The following TMEM240 variants were observed in gnomAD, a reference collection of about 807,000 sequenced individuals.
TMEM240 encodes the protein transmembrane protein C1orf70.
In TMEM240, 3 loss-of-function variants were observed where a neutral mutation model predicts 19.5. The observed-to-expected ratio is 0.15, with a 90% CI of 0.07 to 0.40. The LOEUF (loss-of-function observed/expected upper bound fraction) is 0.40. TMEM240 is among the 10% of genes least tolerant of loss of function. The pLI is 1.00. For missense variants in TMEM240, 210 were observed against 253.5 expected (o/e 0.83, Z 1.17); for synonymous variants, 123 against 109.3 (o/e 1.13, Z -0.78).
intron 2 of TMEM240, among the ~76,000 whole-genome samples, chr1:1,538,017 G>C (rs1193812356): frequency 1.3e-5 from 2 of 152,200 alleles, no homozygotes; most frequent in East Asian, 3.9e-4. Context: ...TGTACACACA[G>C]GGAGCCTCTC....
rs1195375910 is a variant in TMEM240 at position 1,535,762 on chromosome 1, T to TC, written c.199dup (p.Asp67GlyfsTer166). 1 of 1,549,778 alleles carries TC rather than the reference T, an allele frequency of 6.5e-7. No homozygotes were observed. The highest frequency in any genetic ancestry group is 1.2e-5 in the South Asian group (1 of 84,012). ...CTCGGAGGCGTCCACCACCGACTGGTCCCCGTCGTACGGGATCACGTAGTG... is the reference window on the plus strand; with the variant it reads ...CTCGGAGGCGTCCACCACCGACTGGTCCCCCGTCGTACGGGATCACGTAGTG... On this transcript the variant is annotated frameshift_variant, in exon 3 of 4. Transcript: ENST00000378733. LOFTEE classifies it high-confidence loss of function. This position sits in a 1 kb window ranked among gnomAD's most constrained non-coding sequence, Gnocchi z 8.2.
intron 2 of TMEM240, among the ~76,000 whole-genome samples, chr1:1,538,462 C>T (rs564942774): frequency 3.3e-5 from 5 of 152,378 alleles, no homozygotes; most frequent in Non-Finnish European, 4.4e-5. Context: ...CGGATGCACA[C>T]GGCCCCAGCC....
Position 1,535,544 on chromosome 1 carries a change from G to T in TMEM240, c.374-37C>A. 6.5e-7 allele frequency: 1 copy of T among 1,540,218 alleles called. No homozygotes were observed. ...CAGGGGCGGTCAGGCGGCTGGGGCC[G>T]GCCAGGGCGGCAGCACTCCCGGGCG... On this transcript the variant is annotated intron_variant, in intron 3 of 3. Transcript: ENST00000378733. The surrounding 1 kb of genome is among the most constrained non-coding windows in gnomAD (Gnocchi z 8.2).
At chr1:1,540,241 G>A (rs761722833) in intron 1 of TMEM240, 49 bp downstream of exon 1, 2 of 1,244,502 alleles carry the variant, frequency 1.6e-6, no homozygotes, top group Non-Finnish European at 2.0e-6. Flanking sequence ...GCCAGGCGGC[G>A]CGCGCGGGCG....
chr1:1,540,409 C>A lies in TMEM240; in HGVS notation c.-63G>T. The stretch of plus-strand genomic sequence containing the variant: ...GCCCCGGCGCCCCCCCGGCCCCGGC[C>A]CGATGCTGAGCCCCCGCCGCCTCCG... On this transcript the variant is annotated 5_prime_UTR_variant, in exon 1 of 4. Transcript: ENST00000378733. 1 of 715,490 alleles carries A rather than the reference C, an allele frequency of 1.4e-6. No individual in the cohort carries two copies. Among genetic ancestry groups the A allele is most frequent in the Non-Finnish European group, 1.8e-6 (1 of 556,650 alleles). The allele number at this position is 715,490 out of a possible 1,614,324, so 44.3% of individuals were successfully genotyped here.
At position 1,534,881 on chromosome 1, in the gene TMEM240, G is replaced by A. The variant is rs1342547858; in HGVS notation, c.*478C>T. Among the ~76,000 whole-genome samples the A allele has an allele frequency of 6.6e-6, 1 of 152,028 alleles. No homozygotes were observed. The highest frequency in any genetic ancestry group is 1.9e-4 in the East Asian group (1 of 5,184). ...GAATGCTGCCTGGGCCCAGCCACCT[G>A]CACCCCACCCTGTGGCTGTGCACAC... On this transcript the variant is annotated 3_prime_UTR_variant, in exon 4 of 4. Transcript: ENST00000378733.
In TMEM240 at chr1:1,534,980, G is replaced by C. The variant is rs916986629; in HGVS notation, c.*379C>G. Among the ~76,000 whole-genome samples the C allele has an allele frequency of 6.9e-6, 1 of 144,668 alleles. No individual in the cohort carries two copies. Among genetic ancestry groups the C allele is most frequent in the Non-Finnish European group, 1.5e-5 (1 of 67,440 alleles). 94.9% of individuals were successfully genotyped at this position (144,668 alleles called of 152,430 possible). On this transcript the variant is annotated 3_prime_UTR_variant, in exon 4 of 4. Transcript: ENST00000378733. ...CAGACAGACGGTGGACGCAGCGCAC[G>C]GGAAACAGCGCCTTCAAACAGATGC...
chr1:1,537,596 C>T (rs1418712344), intron 2 of TMEM240, among the ~76,000 whole-genome samples: 1 of 152,256 alleles, frequency 6.6e-6, no homozygotes, highest in South Asian at 2.1e-4. Flanking sequence ...GGAGATAGGC[C>T]TGGGCAGAGA....
chr1:1,539,808 C>T lies in TMEM240; in HGVS notation c.58-18G>A, dbSNP rs1369104096. ...GCGATGGCCTGGAAGAGCTCATGAC[C>T]GGTCAGCGCCAAGGAGCGGGCGGGA... On this transcript the variant is annotated intron_variant, in intron 1 of 3. Transcript: ENST00000378733. The T allele has an allele frequency of 2.0e-6, 3 of 1,486,804 alleles. No homozygotes were observed. In the East Asian group the frequency reaches 8.3e-5, roughly 41 times the overall value. The allele number at this position is 1,486,804 out of a possible 1,614,324, so 92.1% of individuals were successfully genotyped here.
chr1:1,538,048 T>C (rs1476989919), intron 2 of TMEM240, among the ~76,000 whole-genome samples: 1 of 152,136 alleles, frequency 6.6e-6, no homozygotes, highest in East Asian at 1.9e-4. Context: ...ACGGGCATGG[T>C]GGATACGCAG....
Position 1,536,769 on chromosome 1 carries a change from G to A in TMEM240, c.165-972C>T, listed in dbSNP as rs550257143. Among the ~76,000 whole-genome samples, 19 of 152,204 alleles carry A rather than the reference G, an allele frequency of 1.2e-4. 1 individual carries two copies. In the South Asian group the frequency reaches 2.9e-3, roughly 23 times the overall value. On this transcript the variant is annotated intron_variant, in intron 2 of 3. Coordinates refer to ENST00000378733, the MANE Select transcript of TMEM240 (RefSeq NM_001114748.2). The surrounding 1 kb of genome is among the most constrained non-coding windows in gnomAD (Gnocchi z 5.4). ...AGGAGGGCCTGGGAGTGGAGCCCGC[G>A]GGCCCCACGCGCCTTGCGGTCCACA...
Position 1,535,838 on chromosome 1 carries a change from C to T in TMEM240, c.165-41G>A. ...CGGGCTGGCACCTCTCCCGCCACCC[C>T]CGGCCTGGCCTTCCCCCGGGGCGCC... On this transcript the variant is annotated intron_variant, in intron 2 of 3. Transcript: ENST00000378733. This position sits in a 1 kb window ranked among gnomAD's most constrained non-coding sequence, Gnocchi z 8.2. 6.5e-7 allele frequency: 1 copy of T among 1,530,580 alleles called. No individual in the cohort carries two copies. Among genetic ancestry groups the T allele is most frequent in the Non-Finnish European group, 8.8e-7 (1 of 1,130,584 alleles). 94.8% of individuals were successfully genotyped at this position (1,530,580 alleles called of 1,614,324 possible).
chr1:1,540,279 C>A lies in TMEM240; in HGVS notation c.57+11G>T. On this transcript the variant is annotated intron_variant, in intron 1 of 3. Coordinates refer to ENST00000378733, the MANE Select transcript of TMEM240 (RefSeq NM_001114748.2). The stretch of plus-strand genomic sequence containing the variant: ...GAGCAGGGGGCGCGCGCGGGAAGCC[C>A]CTCCGCTCACCATCACGACCGACGC... The A allele has an allele frequency of 7.5e-7, 1 of 1,332,406 alleles. No homozygotes were observed. The highest frequency in any genetic ancestry group is 2.1e-5 in the South Asian group (1 of 48,704). The allele number at this position is 1,332,406 out of a possible 1,614,324, so 82.5% of individuals were successfully genotyped here.
chr1:1,539,837 A>C, intron 1 of TMEM240, 47 bp from the exon 2 acceptor site: 1 of 1,245,708 alleles, frequency 8.0e-7, no homozygotes, highest in Non-Finnish European at 1.1e-6. Flanking sequence ...GGCGGGACGA[A>C]GCGGGGCTGG....
rs552659493 is a variant in TMEM240, at chr1:1,535,964, G to A, written c.165-167C>T. Reference sequence around the variant, plus strand: ...GGGAAGGGGGCACCAGACTCAACGAGGCCCAGGTCACAGGCCAGAGGGAGT... The same window carrying A: ...GGGAAGGGGGCACCAGACTCAACGAAGCCCAGGTCACAGGCCAGAGGGAGT... On this transcript the variant is annotated intron_variant, in intron 2 of 3. Coordinates refer to ENST00000378733, the MANE Select transcript of TMEM240 (RefSeq NM_001114748.2). This position sits in a 1 kb window ranked among gnomAD's most constrained non-coding sequence, Gnocchi z 8.2. 1.6e-4 allele frequency among the ~76,000 whole-genome samples: 24 copies of A among 152,222 alleles called. No homozygotes were observed. In the South Asian group the frequency reaches 5.0e-3, roughly 32 times the overall value.
At chr1:1,539,438 G>T (rs929543997) in intron 2 of TMEM240, 1 of 545,222 alleles carries the variant, frequency 1.8e-6, no homozygotes, top group African/African-American at 2.0e-5. Flanking sequence ...CTCCAGGCTG[G>T]ACCAGGAGGC....
In TMEM240 at chr1:1,535,874, T is replaced by C; in HGVS notation, c.165-77A>G. Reference sequence around the variant, plus strand: ...TTCCCCCGGGGCGCCTACCCCGTGGTGGGGGTGTGACCGCGTCAGGCCGCC... The same window carrying C: ...TTCCCCCGGGGCGCCTACCCCGTGGCGGGGGTGTGACCGCGTCAGGCCGCC... On this transcript the variant is annotated intron_variant, in intron 2 of 3. Transcript: ENST00000378733. The surrounding 1 kb of genome is among the most constrained non-coding windows in gnomAD (Gnocchi z 8.2). 9.2e-7 allele frequency: 1 copy of C among 1,083,514 alleles called. No individual in the cohort carries two copies. The allele number at this position is 1,083,514 out of a possible 1,614,324, so 67.1% of individuals were successfully genotyped here.
At chr1:1,538,488 C>T (rs1027619226) in intron 2 of TMEM240, among the ~76,000 whole-genome samples, 1 of 152,238 alleles carries the variant, frequency 6.6e-6, no homozygotes, top group Admixed American at 6.5e-5. Flanking sequence ...GCGTGGAGGC[C>T]GCACCTTTCT....
intron 1 of TMEM240, 21 bp downstream of exon 1, chr1:1,540,269 G>A (rs1642283868): frequency 3.0e-6 from 4 of 1,314,762 alleles, no homozygotes; most frequent in South Asian, 4.5e-5. Context: ...GGGGGCGCGC[G>A]CGGGAAGCCC....
Sources: allele counts gnomAD v4.1 joint callset (sites outside exome capture counted in the v4.1 genomes callset), GRCh38; gene constraint gnomAD v4.1.1; non-coding constraint Gnocchi (gnomAD v3.1); transcripts MANE v1.5; gene names NCBI Gene and HGNC (gene_info 2026-07-23, HGNC 2026-07-21).